Variants in ITPR1 observed in about 807,000 individuals in gnomAD.
ITPR1 encodes inositol 1,4,5-trisphosphate-gated calcium channel ITPR1.
Under a neutral mutation model 318.4 loss-of-function variants are expected in ITPR1, and 96 were observed. The ratio of observed to expected loss-of-function variants is 0.30; its 90% CI spans 0.26 to 0.36. ITPR1 has a LOEUF of 0.36. ITPR1 is among the 10% of genes least tolerant of loss of function. The pLI is 1.00. For synonymous variants in ITPR1, 1,312 were observed against 1,289.9 expected, an observed-to-expected ratio of 1.02 and a Z score of -0.37; for missense variants, 2,440 against 3,460.2, an observed-to-expected ratio of 0.71 and a Z score of 7.40.
intron 44 of ITPR1, among the ~76,000 whole-genome samples, chr3:4,754,893 G>A (rs1211586805): frequency 6.6e-6 from 1 of 152,204 alleles, no homozygotes; most frequent in East Asian, 1.9e-4. Context: ...TTTGTCTGGA[G>A]GCTTTCCAAT....
intron 44 of ITPR1, among the ~76,000 whole-genome samples, chr3:4,745,712 G>T (rs906772424): frequency 6.6e-6 from 1 of 152,040 alleles, no homozygotes; most frequent in East Asian, 1.9e-4. Context: ...TACAGCTCTC[G>T]GTCCCACCTC....
chr3:4,744,898 CTCCTTCCTTCCTTCCTTCCTTCCT>C (rs199767679), intron 44 of ITPR1, among the ~76,000 whole-genome samples: 55,602 of 124,676 alleles, frequency 0.45, 13,315 homozygotes, highest in East Asian at 0.93. Flanking sequence ...GTCTCCCTCC[CTCCTTCCTTCCTTCCTTCCTTCCT>C]TCCTTCCTTC....
At chr3:4,820,014 G>A (rs998502773) in intron 60 of ITPR1, among the ~76,000 whole-genome samples, 12 of 152,160 alleles carry the variant, frequency 7.9e-5, no homozygotes, top group Admixed American at 3.3e-4. Context: ...ATAGGAAACC[G>A]GGAGGGTGCT....
At chr3:4,681,633 G>GTGTGTGTGTA (rs2094303148) in intron 26 of ITPR1, among the ~76,000 whole-genome samples, 1 of 151,222 alleles carries the variant, frequency 6.6e-6, no homozygotes, top group African/African-American at 2.4e-5. Context: ...AAGTGTGTGT[G>GTGTGTGTGTA]TGTGTGTGTG....
chr3:4,751,939 G>A (rs1380320100), intron 44 of ITPR1, among the ~76,000 whole-genome samples: 1 of 152,110 alleles, frequency 6.6e-6, no homozygotes, highest in Non-Finnish European at 1.5e-5. Context: ...CCTTTTCACG[G>A]AGAAATCTAT....
chr3:4,705,772 T>C (rs970917893), intron 36 of ITPR1, among the ~76,000 whole-genome samples: 3 of 152,322 alleles, frequency 2.0e-5, no homozygotes, highest in African/African-American at 7.2e-5. Flanking sequence ...TTGTAGATTG[T>C]TGAACAAACC....
At chr3:4,560,743 G>T (rs1248256049) in intron 4 of ITPR1, among the ~76,000 whole-genome samples, 1 of 152,214 alleles carries the variant, frequency 6.6e-6, no homozygotes, top group Non-Finnish European at 1.5e-5. Context: ...CAGTAGTTCA[G>T]CCTCTGCCAC....
intron 60 of ITPR1, chr3:4,825,958 CA>C: frequency 2.7e-6 from 1 of 364,028 alleles, no homozygotes; most frequent in South Asian, 2.1e-5. Context: ...TGAAAATTCA[CA>C]CAGCCATCAT....
intron 25 of ITPR1, 62 bp downstream of exon 25, chr3:4,680,753 A>G (rs2094281725): frequency 4.2e-6 from 6 of 1,416,310 alleles, no homozygotes; most frequent in East Asian, 4.8e-5. Context: ...GAAAATGGGG[A>G]GAGCAAACAG....
intron 4 of ITPR1, among the ~76,000 whole-genome samples, chr3:4,532,483 G>A (rs2083499115): frequency 6.6e-6 from 1 of 152,116 alleles, no homozygotes; most frequent in Admixed American, 6.5e-5. Context: ...TCCCCCCTCA[G>A]CCTCCTAATC....
At chr3:4,669,561 A>G (rs777032262) in intron 18 of ITPR1, 93 bp from the exon 19 acceptor site, 56 of 1,245,474 alleles carry the variant, frequency 4.5e-5, no homozygotes, top group Non-Finnish European at 6.0e-5. Context: ...TGGTAAAGGT[A>G]TGTTGGACCT....
chr3:4,630,769 G>T (rs1329898748), intron 5 of ITPR1, among the ~76,000 whole-genome samples: 5 of 151,768 alleles, frequency 3.3e-5, no homozygotes, highest in Admixed American at 1.3e-4. Context: ...TGTAGTTTTA[G>T]TAGAGGCAGC....
intron 5 of ITPR1, among the ~76,000 whole-genome samples, chr3:4,633,731 T>G (rs1005240316): frequency 6.6e-6 from 1 of 152,248 alleles, no homozygotes; most frequent in African/African-American, 2.4e-5. Flanking sequence ...CCATTACTAC[T>G]GTTTTCTGAC....
In ITPR1 at chr3:4,507,278, A is replaced by G. The variant is rs114598521; in HGVS notation, c.-16-9198A>G. On this transcript the variant is annotated intron_variant, in intron 2 of 61. Transcript: ENST00000649015. ...TGAGTGAAAATGAAAATAATGCCCC[A>G]ATGTTATTGTGAAATAGTTTTGACC... Among the ~76,000 whole-genome samples the G allele has an allele frequency of 8.5e-3, 1,296 of 152,182 alleles. 15 individuals are homozygous for G. Among genetic ancestry groups the G allele is most frequent in the African/African-American group, 0.03 (1,229 of 41,500 alleles).
intron 4 of ITPR1, among the ~76,000 whole-genome samples, chr3:4,614,160 G>C (rs915400525): frequency 2.0e-5 from 3 of 152,194 alleles, no homozygotes; most frequent in Non-Finnish European, 2.9e-5. Context: ...CAGCTACCTG[G>C]GAGGCTGAGG....
chr3:4,724,943 C>CTG (rs2042402650), intron 40 of ITPR1, among the ~76,000 whole-genome samples: 1 of 152,138 alleles, frequency 6.6e-6, no homozygotes, highest in Non-Finnish European at 1.5e-5. Flanking sequence ...CAAAGTAACC[C>CTG]TGAGTGCAGG....
At chr3:4,709,502 A>G (rs2094827096) in intron 37 of ITPR1, among the ~76,000 whole-genome samples, 1 of 152,196 alleles carries the variant, frequency 6.6e-6, no homozygotes, top group African/African-American at 2.4e-5. Context: ...GTATTATCCA[A>G]CGTGCTGTGT....
Position 4,826,359 on chromosome 3 carries a change from C to A in ITPR1, c.8028+8117C>A, listed in dbSNP as rs1326175500. On this transcript the variant is annotated intron_variant, in intron 60 of 61. Transcript: ENST00000649015. This position sits in a 1 kb window ranked among gnomAD's most constrained non-coding sequence, Gnocchi z 4.2. ...AAAATGTCACCTGGGCTCTGACAAG[C>A]CCTTAACCATGGGTGAGGATACAGC... Among the ~76,000 whole-genome samples the A allele has an allele frequency of 6.6e-6, 1 of 152,230 alleles. No individual in the cohort carries two copies. Among genetic ancestry groups the A allele is most frequent in the Non-Finnish European group, 1.5e-5 (1 of 68,036 alleles).
chr3:4,564,188 G>T (rs560931547), intron 4 of ITPR1, among the ~76,000 whole-genome samples: 1 of 152,078 alleles, frequency 6.6e-6, no homozygotes, highest in Non-Finnish European at 1.5e-5. Context: ...TGATCCACCC[G>T]CCTCGGCCTC....
Sources: allele counts gnomAD v4.1 joint callset (sites outside exome capture counted in the v4.1 genomes callset), GRCh38; gene constraint gnomAD v4.1.1; non-coding constraint Gnocchi (gnomAD v3.1); transcripts MANE v1.5; gene names NCBI Gene and HGNC (gene_info 2026-07-23, HGNC 2026-07-21).